The following ZAN variants were observed in gnomAD, a reference collection of about 807,000 sequenced individuals.
The protein encoded by ZAN is zonadhesin (gene/pseudogene).
Under a neutral mutation model 286.2 loss-of-function variants are expected in ZAN, and 260 were observed. The ratio of observed to expected loss-of-function variants is 0.91; its 90% confidence interval spans 0.82 to 1.01. ZAN has a LOEUF of 1.01. ZAN is among the 50% of genes least tolerant of loss of function. The pLI is 0.00. For synonymous variants in ZAN, 1,368 were observed against 1,417.5 expected (o/e 0.97, Z 0.79); for missense variants, 3,410 against 3,639.2 (o/e 0.94, Z 1.62).
rs530739262 is a variant in ZAN, at chr7:100,745,668, T to A, written c.767-870T>A. ...TGGGAGGCCAAGGCGGGAGGATTGC[T>A]TGAGGCCAGGAGTTCAAGACCAGCC... is the stretch of plus-strand genomic sequence containing the variant. On this transcript the variant is annotated intron_variant, in intron 7 of 47. Coordinates refer to ENST00000613979, the MANE Select transcript of ZAN (RefSeq NM_003386.3). 3.0e-4 allele frequency among the ~76,000 whole-genome samples: 46 copies of A among 151,658 alleles called. No homozygotes were observed. In the Middle Eastern group the frequency reaches 0.01, roughly 34 times the overall value.
intron 27 of ZAN, among the ~76,000 whole-genome samples, 174 bp from the exon 28 acceptor site, chr7:100,769,706 G>C (rs771337020): frequency 2.2e-4 from 34 of 151,816 alleles, no homozygotes; most frequent in Non-Finnish European, 3.8e-4. Context: ...CACCACGCCC[G>C]GCTAATTTTT....
intron 23 of ZAN, 48 bp downstream of exon 23, chr7:100,765,602 C>T (rs1193879444): frequency 6.5e-7 from 1 of 1,535,660 alleles, no homozygotes; most frequent in African/African-American, 1.4e-5. Flanking sequence ...AAAGGGCCTG[C>T]TCCCTGCTCT....
intron 35 of ZAN, 49 bp downstream of exon 35, chr7:100,779,799 C>T: frequency 6.6e-7 from 1 of 1,504,272 alleles, no homozygotes; most frequent in Non-Finnish European, 8.9e-7. Context: ...CCCCCTTTCC[C>T]TCTCTGCTTC....
Position 100,754,319 on chromosome 7 carries a change from C to T in ZAN, c.3125-907C>T, listed in dbSNP as rs112092809. 2.7e-3 allele frequency among the ~76,000 whole-genome samples: 406 copies of T among 151,326 alleles called. 1 individual carries two copies. Among genetic ancestry groups the T allele is most frequent in the African/African-American group, 9.4e-3 (387 of 41,356 alleles). On this transcript the variant is annotated intron_variant, in intron 14 of 47. Coordinates refer to ENST00000613979, the MANE Select transcript of ZAN (RefSeq NM_003386.3). ...TGAAAATACAAAAAAATTAGCTGAG[C>T]GTGGTGGTGGGTGCCTGTAGTCCCA...
chr7:100,751,001 C>T, intron 12 of ZAN, 105 bp downstream of exon 12: 1 of 1,475,896 alleles, frequency 6.8e-7, no homozygotes, highest in Non-Finnish European at 9.0e-7. Flanking sequence ...GGAAAGAGAG[C>T]CGAGAAAAGG....
chr7:100,774,285 G>A (rs1810604849), intron 31 of ZAN, among the ~76,000 whole-genome samples: 1 of 152,124 alleles, frequency 6.6e-6, no homozygotes, highest in South Asian at 2.1e-4. Context: ...CAGGAGAATT[G>A]CTTGAACCCA....
At chr7:100,797,550 C>T (rs1812443611) in intron 46 of ZAN, 27 bp from the exon 47 acceptor site, 1 of 1,613,612 alleles carries the variant, frequency 6.2e-7, no homozygotes, top group African/African-American at 1.3e-5. Flanking sequence ...ACTTGGGGAC[C>T]CATGTCTATT....
In ZAN at chr7:100,760,433, GGC is replaced by G. The variant is rs1309251486; in HGVS notation, c.3741_3742del (p.Val1248LeufsTer24). On this transcript the variant is annotated frameshift_variant, in exon 19 of 48. Coordinates refer to ENST00000613979, the MANE Select transcript of ZAN (RefSeq NM_003386.3). LOFTEE classifies it high-confidence loss of function. ...QVTLPAIPSK[G>X]VFLGASGRFV... ...TACTCTCCCAGCCATACCCTCTAAA[GGC>G]GTCTTCCTGGGTGCAAGCGGGCGGT... 6.2e-6 allele frequency: 10 copies of G among 1,613,936 alleles called. No individual in the cohort carries two copies. Among genetic ancestry groups the G allele is most frequent in the Non-Finnish European group, 8.5e-6 (10 of 1,179,892 alleles).
Position 100,787,900 on chromosome 7 carries a change from T to C in ZAN, c.6991T>C (p.Cys2331Arg). 2 of 1,561,334 alleles carry C rather than the reference T, an allele frequency of 1.3e-6. No individual in the cohort carries two copies. The highest frequency in any genetic ancestry group is 1.2e-5 in the South Asian group (1 of 83,756). Residue 2331 changes from cysteine (C) to arginine (R), a missense_variant, in exon 38 of 48, where the codon TGC becomes CGC. Physicochemically the swap from Cys to Arg is radical, Grantham distance 180. This residue lies in a region of ZAN where 1,289 missense variants were observed against 1,314.3 expected (regional missense o/e 0.98). Coordinates refer to ENST00000613979, the MANE Select transcript of ZAN (RefSeq NM_003386.3). ...TGACTTCTTGGCAGAGTCTGAACAA[T>C]GCTCAGTCTATGGCGACCCCCGTTA... is the stretch of plus-strand genomic sequence containing the variant. ...SNCVSDKSEQ[C>R]SVYGDPRYLT...
intron 7 of ZAN, among the ~76,000 whole-genome samples, chr7:100,740,340 T>C (rs958212101): frequency 1.8e-5 from 2 of 111,846 alleles, no homozygotes; most frequent in African/African-American, 7.7e-5. Context: ...CTTGGGTGTT[T>C]CTCACAGAGG....
chr7:100,775,422 G>C lies in ZAN; in HGVS notation c.5874G>C (p.Val1958=). The part of the protein sequence containing the change: ...SIPDACTLVL[V]KVCHPAMALP... Reference sequence around the variant, plus strand: ...CGGACGCCTGCACTCTTGTCCTGGTGAAAGTGTGCCACCCCGCCATGGCCT... The same window carrying C: ...CGGACGCCTGCACTCTTGTCCTGGTCAAAGTGTGCCACCCCGCCATGGCCT... Residue 1958 remains valine (V), a synonymous_variant, in exon 32 of 48, where the codon GTG becomes GTC. Coordinates refer to ENST00000613979, the MANE Select transcript of ZAN (RefSeq NM_003386.3). The C allele has an allele frequency of 3.7e-6, 6 of 1,613,964 alleles. No homozygotes were observed. The highest frequency in any genetic ancestry group is 5.1e-6 in the Non-Finnish European group (6 of 1,179,894).
At position 100,760,419 on chromosome 7, in the gene ZAN, C is replaced by A. The variant is rs184551492; in HGVS notation, c.3725C>A (p.Ala1242Asp). The change falls in exon 19 of 48, where the codon GCC (alanine) becomes GAC (aspartate). Residue 1242 changes from alanine (A) to aspartate (D), a missense_variant. By Grantham distance (126) the Ala-to-Asp change is moderately radical (BLOSUM62 -2). Transcript: ENST00000613979. ...GGGGGTCAGCAAGTTACTCTCCCAG[C>A]CATACCCTCTAAAGGCGTCTTCCTG... The part of the protein sequence containing the change: ...LVGGQQVTLP[A>D]IPSKGVFLGA... 2.5e-6 allele frequency: 4 copies of A among 1,613,944 alleles called. No individual in the cohort carries two copies. Among genetic ancestry groups the A allele is most frequent in the Admixed American group, 1.7e-5 (1 of 59,986 alleles).
chr7:100,767,631 T>TG (rs2116056325), intron 25 of ZAN, among the ~76,000 whole-genome samples, 200 bp from the exon 26 acceptor site: 1 of 151,552 alleles, frequency 6.6e-6, no homozygotes, highest in Admixed American at 6.6e-5. Context: ...ATGCACCACC[T>TG]GCACGGCTAA....
chr7:100,777,727 A>G (rs1810915625), intron 34 of ZAN, among the ~76,000 whole-genome samples: 1 of 152,016 alleles, frequency 6.6e-6, no homozygotes, highest in African/African-American at 2.4e-5. Context: ...CTGGGGCAGG[A>G]AGACCAGAAT....
At chr7:100,737,801 G>T (rs1001898147) in intron 6 of ZAN, among the ~76,000 whole-genome samples, 1 of 137,922 alleles carries the variant, frequency 7.3e-6, no homozygotes, top group Non-Finnish European at 1.6e-5. Flanking sequence ...GGAAGCAGCC[G>T]TGCCTAAAGA....
chr7:100,752,659 A>G lies in ZAN; in HGVS notation c.2554A>G (p.Ile852Val), dbSNP rs1371202342. The G allele has an allele frequency of 1.9e-6, 3 of 1,610,992 alleles. No individual in the cohort carries two copies. The highest frequency in any genetic ancestry group is 1.7e-5 in the Admixed American group (1 of 59,666). ...CACCATCCCCATGGAAAAACCCACC[A>G]TCTCCACAGAAAAACCCACCATCCC... is the stretch of plus-strand genomic sequence containing the variant. ...KLTIPMEKPT[I>V]STEKPTIPTE... The change falls in exon 14 of 48, where the codon ATC becomes GTC. Residue 852 changes from isoleucine to valine, a missense_variant. Physicochemically the swap from Ile to Val is conservative, Grantham distance 29 (BLOSUM62 3). Coordinates refer to ENST00000613979, the MANE Select transcript of ZAN (RefSeq NM_003386.3).
chr7:100,750,938 G>T (rs149298108), intron 12 of ZAN, 42 bp downstream of exon 12: 4 of 1,514,916 alleles, frequency 2.6e-6, no homozygotes, highest in African/African-American at 1.4e-5. Context: ...TGAGGTGAGA[G>T]GGCCAATGCC....
Position 100,791,976 on chromosome 7 carries a change from G to C in ZAN, c.7540G>C (p.Ala2514Pro). Residue 2514 changes from alanine to proline, a missense_variant, in exon 41 of 48, where the codon GCG becomes CCG. Ala to Pro is a conservative substitution (Grantham distance 27). Transcript: ENST00000613979. ...ALLRFPRAIPAEEEGQGAELG... is the reference protein window; with the variant it reads ...ALLRFPRAIPPEEEGQGAELG... ...CTGTCTCTACTGCAGGGCTATACCAGCGGAGGAGGAGGGACAAGGGGCGGA... is the reference window on the plus strand; with the variant it reads ...CTGTCTCTACTGCAGGGCTATACCACCGGAGGAGGAGGGACAAGGGGCGGA... The C allele has an allele frequency of 6.2e-7, 1 of 1,612,574 alleles. No homozygotes were observed. Among genetic ancestry groups the C allele is most frequent in the South Asian group, 1.1e-5 (1 of 90,852 alleles).
chr7:100,773,910 C>T (rs1452051758), intron 31 of ZAN, 45 bp downstream of exon 31: 4 of 1,566,198 alleles, frequency 2.6e-6, no homozygotes, highest in African/African-American at 1.4e-5. Flanking sequence ...CCCTGAGGCC[C>T]ACTCTCCCAA....
Sources: allele counts gnomAD v4.1 joint callset (sites outside exome capture counted in the v4.1 genomes callset), GRCh38; gene constraint gnomAD v4.1.1; regional missense constraint gnomAD v4.1.1; transcripts MANE v1.5; gene names NCBI Gene and HGNC (gene_info 2026-07-23, HGNC 2026-07-21).